Variants in PRPF38B observed in about 807,000 individuals in gnomAD.
The protein encoded by PRPF38B is pre-mRNA processing factor 38B.
Under a neutral mutation model 67.2 loss-of-function variants are expected in PRPF38B, and 18 were observed. That is an observed-to-expected ratio of 0.27 (90% confidence interval 0.19 to 0.40). PRPF38B has a LOEUF of 0.40. Ranked by LOEUF, PRPF38B falls within the 10% of genes least tolerant of loss-of-function variation. The pLI, the probability that PRPF38B is intolerant of heterozygous loss-of-function variation, is 1.00. For missense variants in PRPF38B, 544 were observed against 684.9 expected (o/e 0.79, Z 2.30); for synonymous variants, 246 against 234.2 (o/e 1.05, Z -0.46).
intron 1 of PRPF38B, among the ~76,000 whole-genome samples, chr1:108,694,890 T>C (rs956749617): frequency 6.6e-6 from 1 of 152,168 alleles, no homozygotes; most frequent in African/African-American, 2.4e-5. Context: ...TGTAAGATGT[T>C]CCTCTTAGCA....
intron 1 of PRPF38B, 45 bp downstream of exon 1, chr1:108,692,912 G>A (rs1017609167): frequency 1.3e-6 from 2 of 1,574,778 alleles, no homozygotes; most frequent in Non-Finnish European, 1.7e-6. Flanking sequence ...GTTCGGAAGA[G>A]GGGGTATGGA....
Position 108,702,605 on chromosome 1 carries a change from T to G in PRPF38B, c.*2585T>G, listed in dbSNP as rs1317026562. Among the ~76,000 whole-genome samples the G allele has an allele frequency of 6.6e-6, 1 of 152,006 alleles. No homozygotes were observed. Among genetic ancestry groups the G allele is most frequent in the African/African-American group, 2.4e-5 (1 of 41,366 alleles). Reference sequence around the variant, plus strand: ...ACATTTCTTGAAACATGAGAACATTTGGACACGAACATCACACGCCGGGGC... The same window carrying G: ...ACATTTCTTGAAACATGAGAACATTGGGACACGAACATCACACGCCGGGGC... On this transcript the variant is annotated 3_prime_UTR_variant, in exon 6 of 6. Coordinates refer to ENST00000370025, the MANE Select transcript of PRPF38B (RefSeq NM_018061.4).
chr1:108,696,299 C>T lies in PRPF38B; in HGVS notation c.520C>T (p.Leu174=). 6.2e-7 allele frequency: 1 copy of T among 1,612,894 alleles called. No individual in the cohort carries two copies. Among genetic ancestry groups the T allele is most frequent in the Non-Finnish European group, 8.5e-7 (1 of 1,179,276 alleles). ...TAGATATACACAGCCCCCTACAGAT[C>T]TGTGGGACTGGTTTGAATCCTTCCT... ...YIRYTQPPTD[L]WDWFESFLDD... The change falls in exon 4 of 6, where the codon CTG becomes TTG. Residue 174 remains leucine, a synonymous_variant. Transcript: ENST00000370025.
Position 108,699,844 on chromosome 1 carries a change from G to C in PRPF38B, c.1465G>C (p.Glu489Gln), listed in dbSNP as rs1660284452. 6.2e-7 allele frequency: 1 copy of C among 1,613,354 alleles called. No individual in the cohort carries two copies. Among genetic ancestry groups the C allele is most frequent in the African/African-American group, 1.3e-5 (1 of 74,804 alleles). ...TDSVEKSKKR[E>Q]HSPSKEKSRK... ...CAGTGTTGAAAAATCAAAAAAACGG[G>C]AACATAGTCCCAGCAAAGAAAAATC... Residue 489 changes from glutamate (E) to glutamine (Q), a missense_variant, in exon 6 of 6, where the codon GAA becomes CAA. Physicochemically the swap from Glu to Gln is conservative, Grantham distance 29. This residue lies in a region of PRPF38B where 387 missense variants were observed against 386.1 expected (regional missense o/e 1.00). Coordinates refer to ENST00000370025, the MANE Select transcript of PRPF38B (RefSeq NM_018061.4).
intron 2 of PRPF38B, 98 bp from the exon 3 acceptor site, chr1:108,695,945 G>A (rs1028558209): frequency 7.1e-7 from 1 of 1,410,370 alleles, no homozygotes; most frequent in African/African-American, 1.4e-5. Flanking sequence ...CTTAGTTCTG[G>A]ATTATGGATT....
rs770795691 is a variant in PRPF38B at position 108,702,672 on chromosome 1, GA to G, written c.*2655del. ...GACTAGGGGAGGGATAATATTAGGAGAAATACCTAATGTAGATGACAGGTTG... is the reference window on the plus strand; with the variant it reads ...GACTAGGGGAGGGATAATATTAGGAGAATACCTAATGTAGATGACAGGTTG... On this transcript the variant is annotated 3_prime_UTR_variant, in exon 6 of 6. Coordinates refer to ENST00000370025, the MANE Select transcript of PRPF38B (RefSeq NM_018061.4). 2.6e-5 allele frequency among the ~76,000 whole-genome samples: 4 copies of G among 152,044 alleles called. No homozygotes were observed. The highest frequency in any genetic ancestry group is 5.9e-5 in the Non-Finnish European group (4 of 68,016).
rs1462544105 is a variant in PRPF38B at position 108,700,270 on chromosome 1, TAC to T, written c.*252_*253del. The T allele has an allele frequency of 3.9e-6, 2 of 513,506 alleles. No homozygotes were observed. The highest frequency in any genetic ancestry group is 1.9e-5 in the African/African-American group (1 of 51,338). 31.8% of individuals were successfully genotyped at this position (513,506 alleles called of 1,614,324 possible). A position where few individuals can be genotyped will look rare whatever the true frequency, so the allele number is the denominator to read the frequency against. ...ATTTTTATTGTTTGTTTTTGAAATG[TAC>T]AGTCTGTACATATGTCCTGAAAATG... On this transcript the variant is annotated 3_prime_UTR_variant, in exon 6 of 6. Transcript: ENST00000370025.
Position 108,699,877 on chromosome 1 carries a change from C to T in PRPF38B, c.1498C>T (p.Arg500Cys), listed in dbSNP as rs771825453. Residue 500 changes from arginine (R) to cysteine (C), a missense_variant, in exon 6 of 6, where the codon CGT becomes TGT. Around this residue, in one of 5 missense-constraint regions of PRPF38B, gnomAD observed 387 missense variants for 386.1 expected, o/e 1.00. Coordinates refer to ENST00000370025, the MANE Select transcript of PRPF38B (RefSeq NM_018061.4). The part of the protein sequence containing the change: ...HSPSKEKSRK[R>C]SRSKERSHKR... Reference sequence around the variant, plus strand: ...TCCCAGCAAAGAAAAATCTAGAAAGCGTAGTAGAAGCAAAGAACGTTCCCA... The same window carrying T: ...TCCCAGCAAAGAAAAATCTAGAAAGTGTAGTAGAAGCAAAGAACGTTCCCA... The T allele has an allele frequency of 7.4e-6, 12 of 1,613,802 alleles. No homozygotes were observed. The highest frequency in any genetic ancestry group is 2.2e-5 in the East Asian group (1 of 44,876).
Position 108,692,352 on chromosome 1 carries a change from T to G in PRPF38B, c.-240T>G, listed in dbSNP as rs1032392410. On this transcript the variant is annotated 5_prime_UTR_variant, in exon 1 of 6. Coordinates refer to ENST00000370025, the MANE Select transcript of PRPF38B (RefSeq NM_018061.4). ...AGTTGGCGGAAGAGATCGAGCTCCC[T>G]GGCTGCCGGCTCGCCTTCTGCGTGG... is the stretch of plus-strand genomic sequence containing the variant. 1 of 558,682 alleles carries G rather than the reference T, an allele frequency of 1.8e-6. No homozygotes were observed. 34.6% of individuals were successfully genotyped at this position (558,682 alleles called of 1,614,324 possible).
At chr1:108,698,529 T>C (rs2101049670) in intron 4 of PRPF38B, 75 bp from the exon 5 acceptor site, 2 of 1,042,642 alleles carry the variant, frequency 1.9e-6, no homozygotes, top group Non-Finnish European at 2.8e-6. Context: ...CCAAAGATGG[T>C]AATATTTTTA....
At chr1:108,695,916 G>A in intron 2 of PRPF38B, 127 bp from the exon 3 acceptor site, 1 of 1,355,784 alleles carries the variant, frequency 7.4e-7, no homozygotes, top group Non-Finnish European at 1.0e-6. Flanking sequence ...GGTTAGAAAA[G>A]TGTTACTTTT....
At chr1:108,694,047 A>G (rs1659611345) in intron 1 of PRPF38B, among the ~76,000 whole-genome samples, 1 of 152,186 alleles carries the variant, frequency 6.6e-6, no homozygotes, top group African/African-American at 2.4e-5. Flanking sequence ...TAGGTTATTG[A>G]AGGATTTTGA....
intron 1 of PRPF38B, among the ~76,000 whole-genome samples, chr1:108,693,124 G>A (rs1248783111): frequency 6.6e-6 from 1 of 152,188 alleles, no homozygotes; most frequent in Admixed American, 6.5e-5. Context: ...CCCACCCCTG[G>A]GGGGAGTTGG....
rs745455943 is a variant in PRPF38B at position 108,700,443 on chromosome 1, A to C, written c.*423A>C. The C allele has an allele frequency of 3.1e-4, 49 of 158,458 alleles. 1 individual carries two copies. The highest frequency in any genetic ancestry group is 2.2e-4 in the Non-Finnish European group (16 of 71,624). The allele number at this position is 158,458 out of a possible 1,614,324, so 9.8% of individuals were successfully genotyped here. ...CTGTGCTTTTCGTAATAGAATGCTA[A>C]AGACTTTGAGAATGGATCTTGGATG... On this transcript the variant is annotated 3_prime_UTR_variant, in exon 6 of 6. Transcript: ENST00000370025.
intron 4 of PRPF38B, chr1:108,696,723 C>A (rs1397778032): frequency 1.4e-6 from 1 of 714,178 alleles, no homozygotes; most frequent in African/African-American, 1.8e-5. Flanking sequence ...GCTTTTTTTT[C>A]TTCTGGAACA....
Position 108,699,715 on chromosome 1 carries a change from A to G in PRPF38B, c.1336A>G (p.Lys446Glu), listed in dbSNP as rs751890450. 1 of 1,612,646 alleles carries G rather than the reference A, an allele frequency of 6.2e-7. No individual in the cohort carries two copies. Among genetic ancestry groups the G allele is most frequent in the Non-Finnish European group, 8.5e-7 (1 of 1,179,158 alleles). Residue 446 changes from lysine to glutamate, a missense_variant, in exon 6 of 6, where the codon AAA becomes GAA. By Grantham distance (56) the Lys-to-Glu change is moderately conservative. This residue lies in a region of PRPF38B where 387 missense variants were observed against 386.1 expected (regional missense o/e 1.00). Coordinates refer to ENST00000370025, the MANE Select transcript of PRPF38B (RefSeq NM_018061.4). ...TAGGAGTCGAAGTAGAAATGCAGGG[A>G]AACGAAGTAGAAGTAGAAGCAAAGA... is the stretch of plus-strand genomic sequence containing the variant. Reference protein sequence around the residue: ...RSRSRSRNAGKRSRSRSKEKS... With the variant: ...RSRSRSRNAGERSRSRSKEKS...
intron 4 of PRPF38B, chr1:108,696,555 T>G: frequency 3.3e-6 from 2 of 610,390 alleles, no homozygotes; most frequent in Non-Finnish European, 5.8e-6. Context: ...TAAAATTGTT[T>G]AAATGTGTTT....
intron 2 of PRPF38B, 74 bp from the exon 3 acceptor site, chr1:108,695,968 TA>T (rs1169636893): frequency 2.7e-6 from 4 of 1,487,068 alleles, no homozygotes; most frequent in Non-Finnish European, 3.7e-6. Flanking sequence ...TATTGATACC[TA>T]ACAGGATTAA....
At position 108,701,191 on chromosome 1, in the gene PRPF38B, G is replaced by A. The variant is rs1476103948; in HGVS notation, c.*1171G>A. The A allele has an allele frequency of 6.6e-6, 1 of 152,470 alleles. No homozygotes were observed. Among genetic ancestry groups the A allele is most frequent in the African/African-American group, 2.4e-5 (1 of 41,394 alleles). The allele number at this position is 152,470 out of a possible 1,614,324, so 9.4% of individuals were successfully genotyped here. ...ATACTGGATTAAATCCTTTATCCTG[G>A]GTCTTGGCTTTTCCCCCATTTGTTA... On this transcript the variant is annotated 3_prime_UTR_variant, in exon 6 of 6. Coordinates refer to ENST00000370025, the MANE Select transcript of PRPF38B (RefSeq NM_018061.4).
Sources: allele counts gnomAD v4.1 joint callset (sites outside exome capture counted in the v4.1 genomes callset), GRCh38; gene constraint gnomAD v4.1.1; regional missense constraint gnomAD v4.1.1; transcripts MANE v1.5; gene names NCBI Gene and HGNC (gene_info 2026-07-23, HGNC 2026-07-21).